TANGO6: variants seen among roughly 807,000 people sequenced by gnomAD.
TANGO6 encodes transport and golgi organization 6 homolog, also known as transport and Golgi organization protein 6 homolog.
In TANGO6, 90 loss-of-function variants were observed where a neutral mutation model predicts 114.2. The ratio of observed to expected loss-of-function variants is 0.79; its 90% CI spans 0.66 to 0.94. The LOEUF is 0.94. Ranked by LOEUF, TANGO6 falls within the 40% of genes least tolerant of loss-of-function variation. The probability of loss-of-function intolerance (pLI) is 0.00; values close to 1 mark genes in which losing one functional copy is unlikely to be tolerated. For missense variants in TANGO6, 1,274 were observed against 1,315.3 expected, an observed-to-expected ratio of 0.97 and a Z score of 0.49; for synonymous variants, 477 against 509.8, an observed-to-expected ratio of 0.94 and a Z score of 0.87.
At chr16:68,924,705 G>A (rs150386915) in intron 12 of TANGO6, among the ~76,000 whole-genome samples, 7,937 of 151,592 alleles carry the variant, frequency 0.052, 283 homozygotes, top group Non-Finnish European at 0.081. Flanking sequence ...CAGGAGGATC[G>A]CTTGAACGTG....
intron 2 of TANGO6, among the ~76,000 whole-genome samples, chr16:68,862,028 T>A (rs530344030): frequency 7.9e-4 from 120 of 152,000 alleles, no homozygotes; most frequent in Non-Finnish European, 1.0e-3. Context: ...TTTTAATTTT[T>A]TTTTTATTTT....
At chr16:69,068,607 G>A (rs561983151) in intron 17 of TANGO6, among the ~76,000 whole-genome samples, 1 of 152,324 alleles carries the variant, frequency 6.6e-6, no homozygotes, top group East Asian at 1.9e-4. Flanking sequence ...TGATGTAAGA[G>A]TTACAGGATG....
intron 15 of TANGO6, among the ~76,000 whole-genome samples, chr16:69,014,011 G>T (rs1959239623): frequency 6.6e-6 from 1 of 152,078 alleles, no homozygotes; most frequent in African/African-American, 2.4e-5. Context: ...CATATTGATA[G>T]ACATAGGATT....
At chr16:68,934,455 A>C (rs1437379345) in intron 14 of TANGO6, among the ~76,000 whole-genome samples, 1 of 152,190 alleles carries the variant, frequency 6.6e-6, no homozygotes, top group Non-Finnish European at 1.5e-5. Context: ...TTATTCAAAG[A>C]GACAAAATGA....
At chr16:68,951,540 T>A (rs1182846279) in intron 14 of TANGO6, among the ~76,000 whole-genome samples, 3 of 152,096 alleles carry the variant, frequency 2.0e-5, no homozygotes, top group Non-Finnish European at 4.4e-5. Context: ...AAGGCCCTTA[T>A]TTATGCCTCT....
At chr16:69,044,438 G>T (rs1324387467) in intron 17 of TANGO6, among the ~76,000 whole-genome samples, 1 of 152,148 alleles carries the variant, frequency 6.6e-6, no homozygotes, top group Non-Finnish European at 1.5e-5. Context: ...AAGCAGGCCA[G>T]TTCTGATGGG....
chr16:68,963,791 CTGATA>C (rs1373974788), intron 14 of TANGO6, among the ~76,000 whole-genome samples: 1 of 152,226 alleles, frequency 6.6e-6, no homozygotes, highest in Non-Finnish European at 1.5e-5. Flanking sequence ...TGCGTACATA[CTGATA>C]TATTTTCCAA....
intron 10 of TANGO6, among the ~76,000 whole-genome samples, chr16:68,908,601 G>A (rs1456535523): frequency 1.3e-5 from 2 of 152,104 alleles, no homozygotes; most frequent in Non-Finnish European, 2.9e-5. Flanking sequence ...GATCACTTGA[G>A]CCCAGGAGGC....
At chr16:68,968,517 A>G (rs1963668069) in intron 14 of TANGO6, among the ~76,000 whole-genome samples, 1 of 151,440 alleles carries the variant, frequency 6.6e-6, no homozygotes, top group East Asian at 1.9e-4. Context: ...GGCACCTGCT[A>G]CCACACTCAG....
chr16:68,913,280 C>T (rs1378726487), intron 11 of TANGO6, among the ~76,000 whole-genome samples: 1 of 151,638 alleles, frequency 6.6e-6, no homozygotes, highest in African/African-American at 2.4e-5. Context: ...GATGGGGTCT[C>T]ACTGTATTGC....
intron 16 of TANGO6, among the ~76,000 whole-genome samples, chr16:69,029,641 T>A (rs957766498): frequency 1.3e-5 from 2 of 152,118 alleles, no homozygotes; most frequent in Non-Finnish European, 2.9e-5. Context: ...AGGATTATAG[T>A]CTTAGGCGGT....
chr16:68,876,246 C>G (rs1298800874), intron 5 of TANGO6, among the ~76,000 whole-genome samples: 4 of 151,964 alleles, frequency 2.6e-5, no homozygotes, highest in Admixed American at 6.6e-5. Context: ...ACCACAACCT[C>G]CACCTCCCGG....
intron 15 of TANGO6, among the ~76,000 whole-genome samples, chr16:68,974,795 C>T (rs560506827): frequency 9.9e-5 from 15 of 152,208 alleles, no homozygotes; most frequent in African/African-American, 3.4e-4. Context: ...GGAATGTCAG[C>T]TGGGCACCAT....
intron 17 of TANGO6, among the ~76,000 whole-genome samples, chr16:69,054,197 T>A (rs1217159584): frequency 6.6e-6 from 1 of 152,194 alleles, no homozygotes; most frequent in Non-Finnish European, 1.5e-5. Flanking sequence ...TCCTCCTGTT[T>A]TTACCATCGC....
chr16:68,986,508 A>G (rs991534046), intron 15 of TANGO6, among the ~76,000 whole-genome samples: 62 of 152,052 alleles, frequency 4.1e-4, no homozygotes, highest in African/African-American at 1.5e-3. Context: ...TAGTTTAGCA[A>G]TCACTTTACC....
intron 14 of TANGO6, among the ~76,000 whole-genome samples, chr16:68,932,865 A>G (rs1347413052): frequency 1.3e-5 from 2 of 152,224 alleles, no homozygotes; most frequent in African/African-American, 2.4e-5. Context: ...AGTTGATAAT[A>G]AAGTGTCAAT....
At chr16:68,994,387 C>T (rs1238848197) in intron 15 of TANGO6, among the ~76,000 whole-genome samples, 2 of 152,070 alleles carry the variant, frequency 1.3e-5, no homozygotes, top group East Asian at 3.9e-4. Flanking sequence ...TTCCCCTCTC[C>T]CATTTAAAAC....
chr16:68,911,489 T>A lies in TANGO6; in HGVS notation c.1992+2087T>A, dbSNP rs548199360. ...TGGAGTGCAGTGGTGCGATCTCGGC[T>A]CACTGCAACCTCCACCTCCCGGGTT... is the stretch of plus-strand genomic sequence containing the variant. On this transcript the variant is annotated intron_variant, in intron 11 of 17. Transcript: ENST00000261778. Among the ~76,000 whole-genome samples the A allele has an allele frequency of 2.6e-4, 39 of 149,734 alleles. No individual in the cohort carries two copies. In the South Asian group the frequency reaches 7.9e-3, roughly 30 times the overall value.
intron 15 of TANGO6, among the ~76,000 whole-genome samples, chr16:69,017,661 G>A (rs550003286): frequency 6.6e-6 from 1 of 152,022 alleles, no homozygotes; most frequent in Admixed American, 6.6e-5. Context: ...CACACACTTA[G>A]AAGTGGAAGG....
Sources: allele counts gnomAD v4.1 joint callset (sites outside exome capture counted in the v4.1 genomes callset), GRCh38; gene constraint gnomAD v4.1.1; transcripts MANE v1.5; gene names NCBI Gene and HGNC (gene_info 2026-07-23, HGNC 2026-07-21).